The following SLC8A1 variants were observed in gnomAD, a reference collection of about 807,000 sequenced individuals.
The protein encoded by SLC8A1 is sodium/calcium exchanger 1.
Under a neutral mutation model 68.3 loss-of-function variants are expected in SLC8A1, and 18 were observed. That is an observed-to-expected ratio of 0.26 (90% CI 0.18 to 0.39). The LOEUF (loss-of-function observed/expected upper bound fraction) is 0.39. Ranked by LOEUF, SLC8A1 falls within the 10% of genes least tolerant of loss-of-function variation. The pLI is 1.00. For synonymous variants in SLC8A1, 475 were observed against 415.5 expected (o/e 1.14, Z -1.74); for missense variants, 985 against 1,156.7 (o/e 0.85, Z 2.15).
chr2:40,362,131 G>A (rs989118180), intron 2 of SLC8A1, among the ~76,000 whole-genome samples: 1 of 151,750 alleles, frequency 6.6e-6, no homozygotes, highest in African/African-American at 2.4e-5. Flanking sequence ...CTGGACTCAA[G>A]TAATCCACTT....
intron 1 of SLC8A1, among the ~76,000 whole-genome samples, chr2:40,444,541 C>T (rs1298934072): frequency 6.6e-6 from 1 of 152,122 alleles, no homozygotes; most frequent in Non-Finnish European, 1.5e-5. Flanking sequence ...ATTCCCCAAG[C>T]CCATCAATGT....
chr2:40,288,458 A>G (rs1405485404), intron 2 of SLC8A1, among the ~76,000 whole-genome samples: 2 of 152,090 alleles, frequency 1.3e-5, no homozygotes, highest in Non-Finnish European at 2.9e-5. Flanking sequence ...CTTGCTGGTC[A>G]TGGCTTGGCT....
chr2:40,396,748 T>TAAAAAAAAAAAAAAAAAA (rs368483768), intron 2 of SLC8A1, among the ~76,000 whole-genome samples: 14 of 87,082 alleles, frequency 1.6e-4, no homozygotes, highest in South Asian at 7.6e-4. Context: ...CTCTAATAAC[T>TAAAAAAAAAAAAAAAAAA]AAAAAAAAAA....
chr2:40,142,825 T>A (rs13001035), intron 6 of SLC8A1, among the ~76,000 whole-genome samples: 3,670 of 152,298 alleles, frequency 0.024, 50 homozygotes, highest in Non-Finnish European at 0.039. Context: ...TGTTTCTCCA[T>A]CATTATTTGT....
At chr2:40,449,498 T>C (rs1226294200) in intron 1 of SLC8A1, among the ~76,000 whole-genome samples, 11 of 152,188 alleles carry the variant, frequency 7.2e-5, no homozygotes, top group Non-Finnish European at 1.5e-4. Flanking sequence ...ACAGAGCAAT[T>C]AACATAATTC....
intron 2 of SLC8A1, among the ~76,000 whole-genome samples, chr2:40,332,740 C>G (rs1188443690): frequency 2.0e-5 from 3 of 152,192 alleles, no homozygotes; most frequent in Admixed American, 6.5e-5. Flanking sequence ...TAATCCCTGA[C>G]TACCAAAATT....
intron 2 of SLC8A1, among the ~76,000 whole-genome samples, chr2:40,415,743 C>A (rs1053361470): frequency 3.3e-5 from 5 of 151,772 alleles, no homozygotes; most frequent in African/African-American, 1.2e-4. Flanking sequence ...TTTGGGAGGC[C>A]GAGGTGGGTG....
At chr2:40,494,578 C>T (rs1262356499) in intron 1 of SLC8A1, among the ~76,000 whole-genome samples, 1 of 148,778 alleles carries the variant, frequency 6.7e-6, no homozygotes, top group African/African-American at 2.5e-5. Flanking sequence ...GGAATGGTCA[C>T]ACACATATAC....
upstream of SLC8A1, among the ~76,000 whole-genome samples, chr2:40,456,601 A>G (rs149725473): frequency 1.3e-5 from 2 of 152,152 alleles, no homozygotes; most frequent in Non-Finnish European, 2.9e-5. Flanking sequence ...CTTAAATCTC[A>G]ATATCTTTGT....
chr2:40,237,304 C>A (rs2060527663), intron 2 of SLC8A1, among the ~76,000 whole-genome samples: 1 of 152,022 alleles, frequency 6.6e-6, no homozygotes, highest in African/African-American at 2.4e-5. Flanking sequence ...TTGCTCATTT[C>A]TTTTTATTCT....
exon 8 of SLC8A1, chr2:40,103,134 C>T (rs948895048): frequency 6.6e-6 from 1 of 152,122 alleles, no homozygotes; most frequent in Non-Finnish European, 1.5e-5. Flanking sequence ...ATAGTTTTGC[C>T]GTTTCCAATG....
chr2:40,485,415 A>C (rs1394177041), intron 1 of SLC8A1, among the ~76,000 whole-genome samples: 3 of 152,108 alleles, frequency 2.0e-5, no homozygotes, highest in Non-Finnish European at 4.4e-5. Flanking sequence ...GACTCATGGA[A>C]ATAATCATAA....
chr2:40,382,296 G>T lies in SLC8A1; in HGVS notation c.1808+46177C>A, dbSNP rs568202201. Among the ~76,000 whole-genome samples the T allele has an allele frequency of 3.9e-5, 6 of 152,140 alleles. No homozygotes were observed. The South Asian group carries it at 1.2e-3, about 32-fold the overall frequency. On this transcript the variant is annotated intron_variant, in intron 2 of 7. Transcript: ENST00000406785. ...AATCTCTACTTAATGATGACTTATT[G>T]GTGAACTGAACATTCTCTGTAGCAC...
chr2:40,279,900 T>G (rs1003558564), intron 2 of SLC8A1, among the ~76,000 whole-genome samples: 3 of 152,222 alleles, frequency 2.0e-5, no homozygotes, highest in Non-Finnish European at 2.9e-5. Context: ...TACATTTTCT[T>G]TGTTTCTTTA....
intron 2 of SLC8A1, among the ~76,000 whole-genome samples, chr2:40,359,944 A>C (rs942339041): frequency 6.6e-5 from 10 of 152,010 alleles, no homozygotes; most frequent in Non-Finnish European, 1.2e-4. Context: ...AAAAAAAAAA[A>C]AAACAGATAC....
intron 2 of SLC8A1, among the ~76,000 whole-genome samples, chr2:40,345,462 C>T (rs917502722): frequency 4.0e-5 from 6 of 151,476 alleles, no homozygotes; most frequent in South Asian, 2.1e-4. Context: ...ATTGTCAGAA[C>T]AAAAAAAATC....
chr2:40,406,105 TGTCA>T (rs1690241535), intron 2 of SLC8A1, among the ~76,000 whole-genome samples: 1 of 152,228 alleles, frequency 6.6e-6, no homozygotes, highest in South Asian at 2.1e-4. Flanking sequence ...ATTCATTTGT[TGTCA>T]GTCACCTTTA....
intron 1 of SLC8A1, among the ~76,000 whole-genome samples, chr2:40,467,002 A>G (rs981574993): frequency 2.7e-5 from 4 of 149,982 alleles, no homozygotes; most frequent in African/African-American, 7.3e-5. Context: ...CAGAGAACGG[A>G]AGAGAAGTGA....
chr2:40,303,427 G>C (rs2071921368), intron 2 of SLC8A1, among the ~76,000 whole-genome samples: 1 of 152,140 alleles, frequency 6.6e-6, no homozygotes, highest in Admixed American at 6.5e-5. Flanking sequence ...TGATAGCTTT[G>C]CTACAAAATG....
Sources: gnomAD v4.1 joint callset for allele counts (sites outside exome capture counted in the v4.1 genomes callset) on GRCh38, gnomAD v4.1.1 for gene constraint, MANE v1.5 for transcripts, NCBI Gene and HGNC (gene_info 2026-07-23, HGNC 2026-07-21) for gene names.